Variants in STRIP1 observed in about 807,000 individuals in gnomAD.
STRIP1 encodes the protein striatin-interacting protein 1.
In STRIP1, 63 loss-of-function variants were observed where a neutral mutation model predicts 106.2. That is an observed-to-expected ratio of 0.59 (90% CI 0.48 to 0.73). The LOEUF is 0.73. Ranked by LOEUF, STRIP1 falls within the 30% of genes least tolerant of loss-of-function variation. The pLI is 0.00. For missense variants in STRIP1, 857 were observed against 1,074.8 expected, an observed-to-expected ratio of 0.80 and a Z score of 2.83; for synonymous variants, 390 against 413.0, an observed-to-expected ratio of 0.94 and a Z score of 0.67.
rs1440375765 is a variant in STRIP1 at position 110,054,079 on chromosome 1, C to T, written c.*167C>T. On this transcript the variant is annotated 3_prime_UTR_variant, in exon 21 of 21. Coordinates refer to ENST00000369795, the MANE Select transcript of STRIP1 (RefSeq NM_033088.4). Reference sequence around the variant, plus strand: ...GCTTGGGTGAGCCCAGCTTGACCTCCCCTTGGTTCCCAGGGTCCTGCTCCG... The same window carrying T: ...GCTTGGGTGAGCCCAGCTTGACCTCTCCTTGGTTCCCAGGGTCCTGCTCCG... The T allele has an allele frequency of 2.7e-6, 2 of 738,702 alleles. No individual in the cohort carries two copies. Among genetic ancestry groups the T allele is most frequent in the Admixed American group, 2.8e-5 (1 of 35,770 alleles). The allele number at this position is 738,702 out of a possible 1,614,324, so 45.8% of individuals were successfully genotyped here.
intron 18 of STRIP1, 136 bp downstream of exon 18, chr1:110,050,545 A>G: frequency 1.2e-6 from 1 of 819,748 alleles, no homozygotes; most frequent in South Asian, 1.6e-5. Context: ...CTTTTAAAGC[A>G]CTGTAAGTGT....
chr1:110,042,143 C>T (rs1219598277), intron 8 of STRIP1, among the ~76,000 whole-genome samples: 1 of 152,160 alleles, frequency 6.6e-6, no homozygotes, highest in African/African-American at 2.4e-5. Context: ...AGTTGCCTCT[C>T]AGCAAGCAGC....
At chr1:110,039,019 AT>A in intron 3 of STRIP1, 152 bp from the exon 4 acceptor site, 1 of 932,244 alleles carries the variant, frequency 1.1e-6, no homozygotes. Context: ...TTGGAATCAA[AT>A]TCATAGAGCA....
At chr1:110,038,968 T>C in intron 3 of STRIP1, 3 of 742,406 alleles carry the variant, frequency 4.0e-6, no homozygotes, top group Non-Finnish European at 6.5e-6. Context: ...GAAAAAAAAA[T>C]CATGTGATTA....
Position 110,037,051 on chromosome 1 carries a change from TTTCAAAGTCCTGACCTCA to T in STRIP1, c.181-839_181-822del, listed in dbSNP as rs1376247884. Among the ~76,000 whole-genome samples, 11 of 152,322 alleles carry T rather than the reference TTTCAAAGTCCTGACCTCA, an allele frequency of 7.2e-5. No individual in the cohort carries two copies. In the South Asian group the frequency reaches 1.9e-3, roughly 26 times the overall value. On this transcript the variant is annotated intron_variant, in intron 1 of 20. Coordinates refer to ENST00000369795, the MANE Select transcript of STRIP1 (RefSeq NM_033088.4). The stretch of plus-strand genomic sequence containing the variant: ...GGTTTTACCATGTTGGCCAGGCTGG[TTTCAAAGTCCTGACCTCA>T]AATGACCCGCCCACCTCGGCCTCCC...
intron 10 of STRIP1, among the ~76,000 whole-genome samples, chr1:110,044,637 T>G (rs1652930375): frequency 6.6e-6 from 1 of 152,240 alleles, no homozygotes; most frequent in South Asian, 2.1e-4. Context: ...TATTTCCAGG[T>G]TACTGATCCA....
intron 12 of STRIP1, 117 bp downstream of exon 12, chr1:110,045,195 G>A (rs1349781323): frequency 3.5e-6 from 3 of 868,912 alleles, no homozygotes; most frequent in Non-Finnish European, 5.6e-6. Context: ...TGGGGTAGAG[G>A]CCGGGGTGGA....
In STRIP1 at chr1:110,048,041, G is replaced by A; in HGVS notation, c.1661+172G>A. 3 of 615,068 alleles carry A rather than the reference G, an allele frequency of 4.9e-6. No individual in the cohort carries two copies. In the South Asian group the frequency reaches 5.8e-5, roughly 12 times the overall value. 38.1% of individuals were successfully genotyped at this position (615,068 alleles called of 1,614,324 possible). On this transcript the variant is annotated intron_variant, in intron 15 of 20. Coordinates refer to ENST00000369795, the MANE Select transcript of STRIP1 (RefSeq NM_033088.4). ...ATTAAAGAGTTTCACTGGTTGGGGA[G>A]ATGGCTTGGTCCTGTTGGCCTGGAT...
Position 110,043,627 on chromosome 1 carries a change from C to T in STRIP1, c.1069-12C>T, listed in dbSNP as rs1652881587. 1 of 1,611,428 alleles carries T rather than the reference C, an allele frequency of 6.2e-7. No homozygotes were observed. Among genetic ancestry groups the T allele is most frequent in the East Asian group, 2.2e-5 (1 of 44,838 alleles). On this transcript the variant is annotated splice_polypyrimidine_tract_variant and intron_variant, in intron 9 of 20. Coordinates refer to ENST00000369795, the MANE Select transcript of STRIP1 (RefSeq NM_033088.4). Reference sequence around the variant, plus strand: ...AGTTGGCTCTTGTCTCATCTCCCTTCCCTGGTTTCAGGCTCTGATAAAGCA... The same window carrying T: ...AGTTGGCTCTTGTCTCATCTCCCTTTCCTGGTTTCAGGCTCTGATAAAGCA...
Position 110,050,396 on chromosome 1 carries a change from C to T in STRIP1, c.1943C>T (p.Thr648Met), listed in dbSNP as rs369214170. ...HCVVHELPEL[T>M]AESLEAGDSN... ...GTGGTGCATGAGCTGCCAGAGCTGA[C>T]GGCGGAGAGTTTGGTGAGTGGCTGG... Residue 648 changes from threonine (T) to methionine (M), a missense_variant, in exon 18 of 21, where the codon ACG becomes ATG. Around this residue, in one of 2 missense-constraint regions of STRIP1, gnomAD observed 750 missense variants for 989.8 expected, o/e 0.76. Transcript: ENST00000369795. 1.7e-5 allele frequency: 27 copies of T among 1,614,010 alleles called. No individual in the cohort carries two copies. The highest frequency in any genetic ancestry group is 4.0e-5 in the African/African-American group (3 of 74,906).
Position 110,046,699 on chromosome 1 carries a change from C to G in STRIP1, c.1436C>G (p.Ala479Gly). 6.2e-7 allele frequency: 1 copy of G among 1,613,434 alleles called. No homozygotes were observed. The highest frequency in any genetic ancestry group is 2.2e-5 in the East Asian group (1 of 44,838). The change falls in exon 13 of 21, where the codon GCA becomes GGA. Residue 479 changes from alanine (A) to glycine (G), a missense_variant. This residue lies in a region of STRIP1 where 750 missense variants were observed against 989.8 expected (regional missense o/e 0.76). Transcript: ENST00000369795. ...TLKQHKYTSI[A>G]EVQAQMEEEY... ...CACCAGCACAAGTACACGTCGATTG[C>G]AGAGGTCCAGGCACAGATGGAGGAG... is the stretch of plus-strand genomic sequence containing the variant.
chr1:110,043,438 G>A (rs773598033), intron 9 of STRIP1, among the ~76,000 whole-genome samples, 168 bp downstream of exon 9: 17 of 152,214 alleles, frequency 1.1e-4, no homozygotes, highest in Non-Finnish European at 1.8e-4. Context: ...CCAGTGTATG[G>A]TGAGTGCTCA....
In STRIP1 at chr1:110,051,008, A is replaced by G. The variant is rs547443433; in HGVS notation, c.2009A>G (p.Asn670Ser). The change falls in exon 19 of 21, where the codon AAT becomes AGT. Residue 670 changes from asparagine to serine, a missense_variant. By Grantham distance (46) the Asn-to-Ser change is conservative. Transcript: ENST00000369795. ...FCWRNLFSCI[N>S]LLRILNKLTK... is the part of the protein sequence containing the mutation. ...TGGAGGAACCTCTTTTCTTGTATCA[A>G]TCTGCTTCGGATCTTGAACAAGCTG... The G allele has an allele frequency of 3.7e-5, 59 of 1,614,064 alleles. No individual in the cohort carries two copies. The highest frequency in any genetic ancestry group is 3.3e-4 in the Middle Eastern group (2 of 6,062).
chr1:110,049,416 AG>A, intron 16 of STRIP1, 43 bp from the exon 17 acceptor site: 1 of 1,536,312 alleles, frequency 6.5e-7, no homozygotes, highest in Non-Finnish European at 8.9e-7. Context: ...CAAGGTCCCA[AG>A]GGCCGCGCCT....
At chr1:110,048,577 G>A (rs1242756598) in intron 15 of STRIP1, among the ~76,000 whole-genome samples, 6 of 152,240 alleles carry the variant, frequency 3.9e-5, no homozygotes, top group Non-Finnish European at 8.8e-5. Flanking sequence ...GCCATCATGT[G>A]ATGGTCCTTG....
intron 8 of STRIP1, 153 bp from the exon 9 acceptor site, chr1:110,042,935 T>C: frequency 1.5e-6 from 1 of 660,044 alleles, no homozygotes; most frequent in Non-Finnish European, 2.5e-6. Flanking sequence ...GAATTCTCCT[T>C]GGGAGTGGCT....
chr1:110,039,116 C>T, intron 3 of STRIP1, 56 bp from the exon 4 acceptor site: 1 of 1,602,538 alleles, frequency 6.2e-7, no homozygotes, highest in South Asian at 1.1e-5. Flanking sequence ...AACATGGGTC[C>T]ATGCCATTGT....
intron 17 of STRIP1, 53 bp downstream of exon 17, chr1:110,049,613 C>A: frequency 1.5e-6 from 2 of 1,303,242 alleles, no homozygotes; most frequent in South Asian, 1.2e-5. Context: ...CGGCAGAGTT[C>A]CCAGCTGGTA....
intron 20 of STRIP1, 53 bp from the exon 21 acceptor site, chr1:110,053,612 G>A: frequency 6.3e-7 from 1 of 1,597,934 alleles, no homozygotes; most frequent in South Asian, 1.1e-5. Flanking sequence ...GAATCCATGG[G>A]GAGCTGCTAC....
Sources: gnomAD v4.1 joint callset for allele counts (sites outside exome capture counted in the v4.1 genomes callset) on GRCh38, gnomAD v4.1.1 for gene constraint, gnomAD v4.1.1 regional missense constraint, MANE v1.5 for transcripts, NCBI Gene and HGNC (gene_info 2026-07-23, HGNC 2026-07-21) for gene names.